ITGB2: variants seen among roughly 807,000 people sequenced by gnomAD.
The protein encoded by ITGB2 is integrin beta-2.
A neutral mutation model predicts 86.8 loss-of-function variants in ITGB2; 56 were observed. That is an observed-to-expected ratio of 0.65 (90% CI 0.52 to 0.81). The LOEUF (loss-of-function observed/expected upper bound fraction) is 0.81, where lower values mean the gene tolerates loss of function less well. ITGB2 is among the 30% of genes least tolerant of loss of function. The pLI is 0.00. For synonymous variants in ITGB2, 457 were observed against 450.4 expected (o/e 1.01, Z -0.19); for missense variants, 948 against 1,061.2 (o/e 0.89, Z 1.48).
intron 13 of ITGB2, 161 bp downstream of exon 13, chr21:44,889,115 A>G (rs930616787): frequency 4.6e-5 from 20 of 430,412 alleles, no homozygotes; most frequent in Non-Finnish European, 8.5e-5. Flanking sequence ...GGAGGGACAC[A>G]GGGGCACGGC....
In ITGB2 at chr21:44,889,494, C is replaced by A; in HGVS notation, c.1659G>T (p.Gly553=). 6.4e-7 allele frequency: 1 copy of A among 1,561,470 alleles called. No homozygotes were observed. The highest frequency in any genetic ancestry group is 8.7e-7 in the Non-Finnish European group (1 of 1,153,542). Residue 553 remains glycine, a splice_region_variant and synonymous_variant, in exon 13 of 16, where the codon GGG becomes GGT. Coordinates refer to ENST00000652462, the MANE Select transcript of ITGB2 (RefSeq NM_000211.5). ...ACTTCCCGCAGAAGCAGAGCCCCCTCCCTGGAAGACGGGGCAGCACGGCTA... is the reference window on the plus strand; with the variant it reads ...ACTTCCCGCAGAAGCAGAGCCCCCTACCTGGAAGACGGGGCAGCACGGCTA... ...RYNGQVCGGP[G]RGLCFCGKCR...
intron 1 of ITGB2, among the ~76,000 whole-genome samples, chr21:44,926,640 G>A (rs1008971624): frequency 1.3e-5 from 2 of 152,202 alleles, no homozygotes; most frequent in Non-Finnish European, 2.9e-5. Context: ...GAAACTGGCC[G>A]CATGTCTGGG....
chr21:44,918,983 A>ACTCGGAGCTGAGCGTCCCCTCTCCCAGCC (rs1232849669), intron 1 of ITGB2, among the ~76,000 whole-genome samples: 2 of 152,074 alleles, frequency 1.3e-5, no homozygotes, highest in Non-Finnish European at 2.9e-5. Flanking sequence ...CTCTCCCAGC[A>ACTCGGAGCTGAGCGTCCCCTCTCCCAGCC]CTCGGAGCTG....
intron 1 of ITGB2, among the ~76,000 whole-genome samples, chr21:44,914,557 C>T (rs2013275): frequency 0.47 from 71,281 of 152,034 alleles, 17,168 homozygotes; most frequent in African/African-American, 0.58. Flanking sequence ...TCAGAAGAGA[C>T]CTGCAGCAGA....
chr21:44,901,168 G>A (rs531938858), intron 6 of ITGB2, among the ~76,000 whole-genome samples: 18 of 152,308 alleles, frequency 1.2e-4, no homozygotes, highest in Admixed American at 2.6e-4. Context: ...CAGGAACCAC[G>A]GGACCTGCTG....
At chr21:44,890,250 G>C in intron 11 of ITGB2, 28 bp from the exon 12 acceptor site, 1 of 1,612,334 alleles carries the variant, frequency 6.2e-7, no homozygotes, top group Non-Finnish European at 8.5e-7. Context: ...CCCAAGGTCA[G>C]GCTCCCCCCA....
chr21:44,922,099 C>T (rs528598619), upstream of ITGB2, among the ~76,000 whole-genome samples: 8 of 152,232 alleles, frequency 5.3e-5, no homozygotes, highest in Non-Finnish European at 1.0e-4. Flanking sequence ...GCAGATGATA[C>T]AAAGTTGGGC....
chr21:44,925,430 A>G (rs868113037), upstream of ITGB2, among the ~76,000 whole-genome samples: 9 of 102,704 alleles, frequency 8.8e-5, no homozygotes, highest in African/African-American at 3.1e-4. Flanking sequence ...GAGGGAAGGA[A>G]GGAAGGAAGG....
In ITGB2 at chr21:44,893,609, A is replaced by G; in HGVS notation, c.1084-65T>C. The G allele has an allele frequency of 3.7e-6, 6 of 1,603,206 alleles. No homozygotes were observed. The South Asian group carries it at 5.5e-5, about 15-fold the overall frequency. ...CTGTTGTCCTGGCCCTGCCTGGCCCAGCGGTTTAGACCCGTCTCCACTTCT... is the reference window on the plus strand; with the variant it reads ...CTGTTGTCCTGGCCCTGCCTGGCCCGGCGGTTTAGACCCGTCTCCACTTCT... On this transcript the variant is annotated intron_variant, in intron 9 of 15. Coordinates refer to ENST00000652462, the MANE Select transcript of ITGB2 (RefSeq NM_000211.5).
intron 10 of ITGB2, among the ~76,000 whole-genome samples, 172 bp from the exon 11 acceptor site, chr21:44,892,168 C>T (rs1186750665): frequency 5.3e-5 from 8 of 152,186 alleles, no homozygotes; most frequent in Admixed American, 4.6e-4. Flanking sequence ...CAAAGTCAGC[C>T]GGCAAGGAGG....
At chr21:44,926,209 C>G (rs1209217252) in intron 1 of ITGB2, among the ~76,000 whole-genome samples, 1 of 134,848 alleles carries the variant, frequency 7.4e-6, no homozygotes, top group African/African-American at 3.3e-5. Context: ...TTCCCAGAGC[C>G]GTGACCTTGC....
chr21:44,919,886 G>A (rs1172354600), intron 1 of ITGB2, among the ~76,000 whole-genome samples: 2 of 152,174 alleles, frequency 1.3e-5, no homozygotes, highest in Non-Finnish European at 2.9e-5. Flanking sequence ...GCATGGGGAG[G>A]GCTGGCCCCA....
At chr21:44,898,776 T>A (rs573018630) in intron 8 of ITGB2, among the ~76,000 whole-genome samples, 1 of 152,352 alleles carries the variant, frequency 6.6e-6, no homozygotes, top group African/African-American at 2.4e-5. Flanking sequence ...AAATAAAGAA[T>A]TGTGTTGTAT....
Position 44,910,371 on chromosome 21 carries a change from G to C in ITGB2, c.60C>G (p.Val20=). ...TGAACTTCGTGCACTCCTGAGAGAG[G>C]ACTGAGGGACGAGGCCGGCTGGTGA... ...ALVGLLSLGC[V]LSQECTKFKV... The change falls in exon 3 of 16, where the codon GTC becomes GTG. Residue 20 remains valine (V), a splice_region_variant and synonymous_variant. Coordinates refer to ENST00000652462, the MANE Select transcript of ITGB2 (RefSeq NM_000211.5). 1 of 1,614,162 alleles carries C rather than the reference G, an allele frequency of 6.2e-7. No individual in the cohort carries two copies. Among genetic ancestry groups the C allele is most frequent in the Non-Finnish European group, 8.5e-7 (1 of 1,180,024 alleles).
At chr21:44,901,410 AC>A in intron 6 of ITGB2, 81 bp downstream of exon 6, 12 of 1,529,340 alleles carry the variant, frequency 7.8e-6, no homozygotes, top group Admixed American at 5.7e-5. Context: ...CGGCCAGGGT[AC>A]CCCCCTGCCC....
intron 4 of ITGB2, among the ~76,000 whole-genome samples, chr21:44,906,193 C>G (rs1248805923): frequency 1.4e-5 from 2 of 138,402 alleles, no homozygotes; most frequent in Non-Finnish European, 3.1e-5. Flanking sequence ...CCTTCTCTTC[C>G]CTTCCTTTCT....
rs761493548 is a variant in ITGB2 at position 44,910,279 on chromosome 21, C to T, written c.147+5G>A. Reference sequence around the variant, plus strand: ...CAGGTGGGGAGGGGTCCAGGAGGCACTTACCAGCTTCTGGCACCAGGTGCA... The same window carrying T: ...CAGGTGGGGAGGGGTCCAGGAGGCATTTACCAGCTTCTGGCACCAGGTGCA... On this transcript the variant is annotated splice_donor_5th_base_variant and intron_variant, in intron 3 of 15. Coordinates refer to ENST00000652462, the MANE Select transcript of ITGB2 (RefSeq NM_000211.5). 13 of 1,613,630 alleles carry T rather than the reference C, an allele frequency of 8.1e-6. No individual in the cohort carries two copies. The highest frequency in any genetic ancestry group is 1.7e-4 in the Middle Eastern group (1 of 6,050).
chr21:44,896,385 C>T (rs939099097), intron 8 of ITGB2, among the ~76,000 whole-genome samples: 3 of 152,206 alleles, frequency 2.0e-5, no homozygotes, highest in Admixed American at 1.3e-4. Context: ...CGGTTCTGGC[C>T]GGCCAGATGC....
At chr21:44,910,896 G>C in intron 1 of ITGB2, 111 bp from the exon 2 acceptor site, 1 of 1,102,342 alleles carries the variant, frequency 9.1e-7, no homozygotes, top group Admixed American at 2.0e-5. Flanking sequence ...CCCTGTCCCT[G>C]CTGCAGGGGG....
Sources: allele counts gnomAD v4.1 joint callset (sites outside exome capture counted in the v4.1 genomes callset), GRCh38; gene constraint gnomAD v4.1.1; transcripts MANE v1.5; gene names NCBI Gene and HGNC (gene_info 2026-07-23, HGNC 2026-07-21).